Variants in DENND5A observed in about 807,000 individuals in gnomAD.
DENND5A encodes the protein DENN domain-containing protein 5A.
A neutral mutation model predicts 140.3 loss-of-function variants in DENND5A; 64 were observed. The ratio of observed to expected loss-of-function variants is 0.46; its 90% confidence interval spans 0.37 to 0.56. DENND5A has a LOEUF of 0.56. DENND5A is among the 20% of genes least tolerant of loss of function. DENND5A has a pLI of 0.00. For missense variants in DENND5A, 1,292 were observed against 1,593.8 expected (o/e 0.81, Z 3.22); for synonymous variants, 605 against 607.7 (o/e 1.00, Z 0.07).
At chr11:9,240,621 G>C (rs1157979802) in intron 1 of DENND5A, among the ~76,000 whole-genome samples, 1 of 151,496 alleles carries the variant, frequency 6.6e-6, no homozygotes, top group Non-Finnish European at 1.5e-5. Context: ...GAGGTGGGAG[G>C]ATCACTTGAG....
At chr11:9,257,462 T>G in intron 1 of DENND5A, among the ~76,000 whole-genome samples, 1 of 146,132 alleles carries the variant, frequency 6.8e-6, no homozygotes, top group African/African-American at 2.5e-5. Context: ...ATATCCTTAA[T>G]GATAATCACA....
chr11:9,225,670 G>C (rs1392281085), intron 1 of DENND5A, among the ~76,000 whole-genome samples: 1 of 152,148 alleles, frequency 6.6e-6, no homozygotes, highest in Non-Finnish European at 1.5e-5. Context: ...GCTGAGGCAG[G>C]GGAATCACTT....
At chr11:9,262,993 A>G (rs1173244596) in intron 1 of DENND5A, among the ~76,000 whole-genome samples, 3 of 151,988 alleles carry the variant, frequency 2.0e-5, no homozygotes, top group Non-Finnish European at 2.9e-5. Context: ...CGCCCGCCTC[A>G]GCCTCCCAAA....
chr11:9,195,020 CTT>C (rs574310334), intron 4 of DENND5A, among the ~76,000 whole-genome samples: 56 of 119,040 alleles, frequency 4.7e-4, no homozygotes, highest in African/African-American at 7.4e-4. Context: ...CCCAGCCAGC[CTT>C]TTTTTTTTTT....
chr11:9,183,060 A>T (rs1354532548), intron 5 of DENND5A, among the ~76,000 whole-genome samples: 1 of 152,270 alleles, frequency 6.6e-6, no homozygotes, highest in Non-Finnish European at 1.5e-5. Flanking sequence ...GTGTCAATAA[A>T]AATGTGTGTG....
rs184045726 is a variant in DENND5A, at chr11:9,160,155, A to C, written c.2436+558T>G. On this transcript the variant is annotated intron_variant, in intron 12 of 22. Coordinates refer to ENST00000328194, the MANE Select transcript of DENND5A (RefSeq NM_015213.4). ...AATTTCAAGTTATTTTCAAATTTAA[A>C]AATACATAAAAATAAAAGGTATCTA... Among the ~76,000 whole-genome samples, 575 of 152,364 alleles carry C rather than the reference A, an allele frequency of 3.8e-3. 1 individual carries two copies. The highest frequency in any genetic ancestry group is 6.4e-3 in the Non-Finnish European group (437 of 68,040).
intron 5 of DENND5A, among the ~76,000 whole-genome samples, chr11:9,192,460 C>G (rs1849164530): frequency 6.6e-6 from 1 of 152,118 alleles, no homozygotes; most frequent in Non-Finnish European, 1.5e-5. Context: ...AACCCCGTCT[C>G]TACTAAAAAT....
intron 1 of DENND5A, among the ~76,000 whole-genome samples, chr11:9,229,228 CAGGCATG>C (rs1193478431): frequency 6.6e-6 from 1 of 152,160 alleles, no homozygotes; most frequent in Non-Finnish European, 1.5e-5. Flanking sequence ...TGTTAGATTA[CAGGCATG>C]AGCCACTGCG....
At chr11:9,209,653 T>C (rs1372157016) in intron 1 of DENND5A, among the ~76,000 whole-genome samples, 2 of 152,112 alleles carry the variant, frequency 1.3e-5, no homozygotes, top group East Asian at 1.9e-4. Context: ...GGAAAGGAGA[T>C]GTATAAAGAA....
chr11:9,159,867 A>C (rs1847921772), intron 12 of DENND5A, among the ~76,000 whole-genome samples: 1 of 152,206 alleles, frequency 6.6e-6, no homozygotes, highest in Non-Finnish European at 1.5e-5. Context: ...ATAGTATCTC[A>C]TTGTGGTTCC....
intron 9 of DENND5A, 132 bp from the exon 10 acceptor site, chr11:9,170,081 C>T (rs1848321478): frequency 2.4e-6 from 2 of 830,434 alleles, no homozygotes; most frequent in South Asian, 1.6e-5. Context: ...TCACCAGAGA[C>T]AGCTCAGAGA....
In DENND5A at chr11:9,207,610, A is replaced by C. The variant is rs1849735544; in HGVS notation, c.132T>G (p.Ala44=). Residue 44 remains alanine, a synonymous_variant, in exon 2 of 23, where the codon GCT becomes GCG. Transcript: ENST00000328194. ...GGCTGGCACCATCCCTGGCTTTAGA[A>C]GCCTGTATGTACTGGCATAATGCTA... ...ELSALCQYIQ[A]SKARDGASPF... 2 of 1,612,924 alleles carry C rather than the reference A, an allele frequency of 1.2e-6. No homozygotes were observed. Among genetic ancestry groups the C allele is most frequent in the Non-Finnish European group, 1.7e-6 (2 of 1,179,012 alleles).
At chr11:9,179,116 C>T (rs1324021698) in intron 6 of DENND5A, 43 bp from the exon 7 acceptor site, 1 of 1,553,756 alleles carries the variant, frequency 6.4e-7, no homozygotes, top group East Asian at 2.3e-5. Context: ...TACACTTTTT[C>T]CTTTTAACCC....
chr11:9,148,606 A>T (rs1847507822), intron 15 of DENND5A, among the ~76,000 whole-genome samples: 1 of 152,246 alleles, frequency 6.6e-6, no homozygotes, highest in Non-Finnish European at 1.5e-5. Context: ...GATAAAGCAA[A>T]GCAAGGAGTC....
Position 9,139,762 on chromosome 11 carries a change from G to A in DENND5A, c.3773C>T (p.Thr1258Ile), listed in dbSNP as rs1431889841. 12 of 1,614,012 alleles carry A rather than the reference G, an allele frequency of 7.4e-6. No individual in the cohort carries two copies. Among genetic ancestry groups the A allele is most frequent in the Admixed American group, 3.3e-5 (2 of 59,990 alleles). The part of the protein sequence containing the change: ...YEDVALIKDH[T>I]LVNSLIRVLQ... ...CACACGAATCAAGGAATTGACAAGT[G>A]TATGGTCTTTGATCAGTGCCACATC... Residue 1258 changes from threonine to isoleucine, a missense_variant, in exon 23 of 23, where the codon ACA (threonine) becomes ATA (isoleucine). Around this residue, in one of 4 missense-constraint regions of DENND5A, gnomAD observed 498 missense variants for 689.7 expected, o/e 0.72. Coordinates refer to ENST00000328194, the MANE Select transcript of DENND5A (RefSeq NM_015213.4).
At chr11:9,183,757 G>C (rs1375022646) in intron 5 of DENND5A, among the ~76,000 whole-genome samples, 1 of 152,020 alleles carries the variant, frequency 6.6e-6, no homozygotes, top group African/African-American at 2.4e-5. Context: ...GCAGTCTTTT[G>C]GTAGTAACTT....
intron 5 of DENND5A, among the ~76,000 whole-genome samples, chr11:9,188,851 C>T (rs923600049): frequency 2.6e-5 from 4 of 152,184 alleles, no homozygotes; most frequent in African/African-American, 9.7e-5. Flanking sequence ...GGAAAATTTG[C>T]AGCCTGACAA....
At chr11:9,264,752 C>A (rs1470695823) in intron 1 of DENND5A, among the ~76,000 whole-genome samples, 1 of 152,154 alleles carries the variant, frequency 6.6e-6, no homozygotes, top group Non-Finnish European at 1.5e-5. Context: ...CACTGCGCAG[C>A]GGGCCGTAGG....
intron 1 of DENND5A, among the ~76,000 whole-genome samples, chr11:9,251,189 C>G (rs2136290334): frequency 6.7e-6 from 1 of 150,212 alleles, no homozygotes; most frequent in South Asian, 2.1e-4. Context: ...CCCACATTCA[C>G]AGAGGAATGA....
Sources: allele counts gnomAD v4.1 joint callset (sites outside exome capture counted in the v4.1 genomes callset), GRCh38; gene constraint gnomAD v4.1.1; regional missense constraint gnomAD v4.1.1; transcripts MANE v1.5; gene names NCBI Gene and HGNC (gene_info 2026-07-23, HGNC 2026-07-21).